CR1: variants seen among roughly 807,000 people sequenced by gnomAD.
CR1 encodes complement C3b/C4b receptor 1 (Knops blood group).
A neutral mutation model predicts 187.3 loss-of-function variants in CR1; 116 were observed. The ratio of observed to expected loss-of-function variants is 0.62; its 90% confidence interval spans 0.53 to 0.72. The LOEUF (loss-of-function observed/expected upper bound fraction) is 0.72, where lower values mean the gene tolerates loss of function less well. CR1 is among the 30% of genes least tolerant of loss of function. The probability of loss-of-function intolerance (pLI) is 0.00; values close to 1 mark genes in which losing one functional copy is unlikely to be tolerated. For synonymous variants in CR1, 576 were observed against 747.1 expected (o/e 0.77, Z 3.73); for missense variants, 1,731 against 2,110.7 (o/e 0.82, Z 3.52).
chr1:207,635,415 TG>T (rs1662782916), intron 46 of CR1, among the ~76,000 whole-genome samples: 2 of 152,202 alleles, frequency 1.3e-5, no homozygotes. Flanking sequence ...AATTAACTGC[TG>T]TGCTTTAGAT....
chr1:207,605,270 A>G (rs1351192267), intron 35 of CR1, among the ~76,000 whole-genome samples: 2 of 150,812 alleles, frequency 1.3e-5, no homozygotes, highest in Non-Finnish European at 3.0e-5. Flanking sequence ...AAAAAAAAAA[A>G]AGAAAGAAAG....
chr1:207,579,016 G>A (rs1571552643), intron 29 of CR1, among the ~76,000 whole-genome samples: 3 of 152,352 alleles, frequency 2.0e-5, no homozygotes, highest in Non-Finnish European at 1.5e-5. Context: ...AGTCAAGAGT[G>A]AAAGTAACTT....
At chr1:207,565,779 T>C in intron 23 of CR1, 59 bp from the exon 24 acceptor site, 1 of 1,605,172 alleles carries the variant, frequency 6.2e-7, no homozygotes, top group East Asian at 2.2e-5. Context: ...CCTTAGATTG[T>C]GAACTAAGTG....
Position 207,577,877 on chromosome 1 carries a change from ATG to A in CR1, c.4611_4612del (p.Tyr1537Ter), listed in dbSNP as rs1412213267. The A allele has an allele frequency of 6.2e-7, 1 of 1,613,612 alleles. No individual in the cohort carries two copies. The highest frequency in any genetic ancestry group is 1.3e-5 in the African/African-American group (1 of 74,916). Reference sequence around the variant, plus strand: ...AGCACCAACAGAGAGAATTTTCACTATGGATCAGTGGTGACCTACCGCTGCAA... The same window carrying A: ...AGCACCAACAGAGAGAATTTTCACTAGATCAGTGGTGACCTACCGCTGCAA... On this transcript the variant is annotated stop_gained and frameshift_variant, in exon 29 of 47. Coordinates refer to ENST00000367049, the MANE Select transcript of CR1 (RefSeq NM_000651.6). LOFTEE classifies it high-confidence loss of function.
intron 4 of CR1, among the ~76,000 whole-genome samples, chr1:207,515,162 C>A (rs1659756128): frequency 1.9e-5 from 1 of 52,306 alleles, no homozygotes; most frequent in African/African-American, 6.8e-5. Context: ...TATACATATA[C>A]ATATATAGGT....
chr1:207,512,820 T>C (rs1341764134), intron 4 of CR1, among the ~76,000 whole-genome samples: 1 of 152,190 alleles, frequency 6.6e-6, no homozygotes, highest in Non-Finnish European at 1.5e-5. Flanking sequence ...AAACAAAAAA[T>C]ATAATAATAC....
At chr1:207,580,651 C>G in intron 31 of CR1, 38 bp downstream of exon 31, 2 of 1,535,136 alleles carry the variant, frequency 1.3e-6, no homozygotes, top group Non-Finnish European at 1.8e-6. Context: ...GGACTCAGCA[C>G]TGCAGAGTGA....
chr1:207,637,775 CTG>C (rs1478589383), intron 46 of CR1, among the ~76,000 whole-genome samples: 1 of 152,174 alleles, frequency 6.6e-6, no homozygotes, highest in Non-Finnish European at 1.5e-5. Flanking sequence ...ATCCATGTGA[CTG>C]GTGTTTCCAT....
rs778842599 is a variant in CR1 at position 207,593,082 on chromosome 1, T to TAAAA, written c.5810+4309_5810+4310insAAAA. Among the ~76,000 whole-genome samples the TAAAA allele has an allele frequency of 2.7e-3, 163 of 59,916 alleles. 2 individuals are homozygous for TAAAA. Among genetic ancestry groups the TAAAA allele is most frequent in the South Asian group, 5.1e-3 (8 of 1,576 alleles). 39.3% of individuals were successfully genotyped at this position (59,916 alleles called of 152,430 possible). A position where few individuals can be genotyped will look rare whatever the true frequency, so the allele number is the denominator to read the frequency against. ...TTACCAATGGCTTTCTTCACAGAAT[T>TAAAA]ACAAAAAAAAAAAAAAAAAAACTAC... On this transcript the variant is annotated intron_variant, in intron 35 of 46. Coordinates refer to ENST00000367049, the MANE Select transcript of CR1 (RefSeq NM_000651.6).
chr1:207,625,492 A>G (rs2102408424), intron 45 of CR1, among the ~76,000 whole-genome samples: 1 of 152,384 alleles, frequency 6.6e-6, no homozygotes, highest in South Asian at 2.1e-4. Context: ...TTGGGATTGT[A>G]ACTGCCTGAT....
chr1:207,587,512 C>T lies in CR1; in HGVS notation c.5657C>T (p.Ser1886Phe), dbSNP rs1018251912. The change falls in exon 34 of 47, where the codon TCT becomes TTT. Residue 1886 changes from serine to phenylalanine, a missense_variant. Physicochemically the swap from Ser to Phe is radical, Grantham distance 155. Transcript: ENST00000367049. ...CRPGYFGKMF[S>F]ISCLENLVWS... ...CCTGGGTATTTTGGGAAAATGTTCT[C>T]TATCTCCTGCCTAGAAAACTTGGTC... 2.5e-6 allele frequency: 4 copies of T among 1,613,994 alleles called. No individual in the cohort carries two copies. Among genetic ancestry groups the T allele is most frequent in the Non-Finnish European group, 3.4e-6 (4 of 1,179,856 alleles).
At chr1:207,619,605 A>G (rs1264277113) in intron 42 of CR1, among the ~76,000 whole-genome samples, 2 of 152,182 alleles carry the variant, frequency 1.3e-5, no homozygotes, top group East Asian at 3.9e-4. Context: ...CGTTAGCCTA[A>G]TTCCTAATCT....
intron 27 of CR1, among the ~76,000 whole-genome samples, chr1:207,574,195 A>G (rs1448398132): frequency 6.6e-6 from 1 of 152,202 alleles, no homozygotes; most frequent in Non-Finnish European, 1.5e-5. Flanking sequence ...TGTAGCAAAA[A>G]TTCCAGAAGG....
chr1:207,580,097 T>C, intron 29 of CR1, 143 bp from the exon 30 acceptor site: 1 of 1,193,110 alleles, frequency 8.4e-7, no homozygotes. Flanking sequence ...CCTCATGCCC[T>C]GTAGATTTAC....
intron 44 of CR1, among the ~76,000 whole-genome samples, chr1:207,622,633 CAA>C (rs1662347519): frequency 6.6e-6 from 1 of 152,158 alleles, no homozygotes; most frequent in African/African-American, 2.4e-5. Context: ...TGTAATTCAA[CAA>C]GAGAGAGAAT....
chr1:207,515,402 T>C (rs935841316), intron 4 of CR1, among the ~76,000 whole-genome samples: 1 of 151,680 alleles, frequency 6.6e-6, no homozygotes, highest in East Asian at 1.9e-4. Flanking sequence ...CATGTAAACG[T>C]CACTCAGATT....
intron 41 of CR1, 95 bp from the exon 42 acceptor site, chr1:207,617,976 T>C: frequency 1.4e-6 from 2 of 1,380,216 alleles, no homozygotes; most frequent in Non-Finnish European, 2.0e-6. Context: ...TTCATGTACC[T>C]CTAATAGCCA....
At chr1:207,625,415 C>T (rs1472441982) in intron 45 of CR1, among the ~76,000 whole-genome samples, 1 of 152,204 alleles carries the variant, frequency 6.6e-6, no homozygotes, top group African/African-American at 2.4e-5. Context: ...AAAACCTATT[C>T]TATATGTGTA....
rs186308211 is a variant in CR1 at position 207,573,071 on chromosome 1, C to G, written c.4452-2524C>G. On this transcript the variant is annotated intron_variant, in intron 27 of 46. Transcript: ENST00000367049. The stretch of plus-strand genomic sequence containing the variant: ...CATCCACAGGGACTGGAGGTTAAGA[C>G]TTCAGCATACTTGGGGGGAGACACA... Among the ~76,000 whole-genome samples, 235 of 152,060 alleles carry G rather than the reference C, an allele frequency of 1.5e-3. 4 individuals carry two copies. The highest frequency in any genetic ancestry group is 4.4e-3 in the African/African-American group (182 of 41,506).
Sources: gnomAD v4.1 joint callset for allele counts (sites outside exome capture counted in the v4.1 genomes callset) on GRCh38, gnomAD v4.1.1 for gene constraint, MANE v1.5 for transcripts, NCBI Gene and HGNC (gene_info 2026-07-23, HGNC 2026-07-21) for gene names.